The following POU2F1 variants were observed in gnomAD, a reference collection of about 807,000 sequenced individuals.
POU2F1 encodes POU domain, class 2, transcription factor 1.
A neutral mutation model predicts 84.9 loss-of-function variants in POU2F1; 16 were observed. The observed-to-expected ratio is 0.19, with a 90% confidence interval of 0.13 to 0.29. The LOEUF (loss-of-function observed/expected upper bound fraction) is 0.29, where lower values mean the gene tolerates loss of function less well. Ranked by LOEUF, POU2F1 falls within the 10% of genes least tolerant of loss-of-function variation. POU2F1 has a pLI of 1.00. For missense variants in POU2F1, 738 were observed against 942.6 expected (o/e 0.78, Z 2.84); for synonymous variants, 368 against 368.3 (o/e 1.00, Z 0.01).
intron 7 of POU2F1, among the ~76,000 whole-genome samples, chr1:167,382,508 G>A (rs1429267141): frequency 1.3e-5 from 2 of 152,142 alleles, no homozygotes; most frequent in Non-Finnish European, 1.5e-5. Flanking sequence ...AGATACCTAG[G>A]GCTGCATAGA....
chr1:167,415,898 TG>T lies in POU2F1; in HGVS notation c.*90del. On this transcript the variant is annotated 3_prime_UTR_variant, in exon 16 of 16. Coordinates refer to ENST00000367866, the MANE Select transcript of POU2F1 (RefSeq NM_002697.4). The stretch of plus-strand genomic sequence containing the variant: ...AGGTTAATAAACTGAAAAATGTGAT[TG>T]GCTTCCTCTCGCCGTGTTGTGAGGG... The T allele has an allele frequency of 8.2e-7, 1 of 1,222,868 alleles. No individual in the cohort carries two copies. Among genetic ancestry groups the T allele is most frequent in the Non-Finnish European group, 1.1e-6 (1 of 896,522 alleles). The allele number at this position is 1,222,868 out of a possible 1,614,324, so 75.8% of individuals were successfully genotyped here. A position where few individuals can be genotyped will look rare whatever the true frequency, so the allele number is the denominator to read the frequency against.
intron 1 of POU2F1, among the ~76,000 whole-genome samples, chr1:167,241,178 A>G (rs1557839133): frequency 6.6e-6 from 1 of 152,182 alleles, no homozygotes; most frequent in East Asian, 1.9e-4. Flanking sequence ...AGTCTGAAAA[A>G]GTTCTCACCC....
chr1:167,241,985 G>GT (rs2102374570), intron 1 of POU2F1, among the ~76,000 whole-genome samples: 1 of 152,276 alleles, frequency 6.6e-6, no homozygotes, highest in East Asian at 1.9e-4. Flanking sequence ...CAGAGCCTAA[G>GT]TTTTCTTAAG....
intron 15 of POU2F1, among the ~76,000 whole-genome samples, chr1:167,413,799 T>G (rs938430241): frequency 6.6e-6 from 1 of 152,182 alleles, no homozygotes; most frequent in Non-Finnish European, 1.5e-5. Context: ...TTTACTGTTA[T>G]GTGATTCAGG....
intron 2 of POU2F1, among the ~76,000 whole-genome samples, chr1:167,344,841 T>C (rs1658086257): frequency 6.6e-6 from 1 of 151,948 alleles, no homozygotes; most frequent in African/African-American, 2.4e-5. Flanking sequence ...AAAGAGCCAG[T>C]GTAGGAGGGG....
At chr1:167,290,069 G>T (rs949328177) in intron 1 of POU2F1, among the ~76,000 whole-genome samples, 1 of 152,126 alleles carries the variant, frequency 6.6e-6, no homozygotes, top group African/African-American at 2.4e-5. Context: ...ATTATTTACA[G>T]GATTCCTACA....
intron 3 of POU2F1, 131 bp downstream of exon 3, chr1:167,365,698 G>A: frequency 1.6e-6 from 1 of 613,610 alleles, no homozygotes; most frequent in East Asian, 3.3e-5. Context: ...GTGTAATTGT[G>A]TCATTCTATT....
intron 1 of POU2F1, among the ~76,000 whole-genome samples, chr1:167,272,401 A>C (rs1032876926): frequency 1.1e-4 from 16 of 151,896 alleles, no homozygotes; most frequent in African/African-American, 3.9e-4. Flanking sequence ...AAAAAAAAAA[A>C]AAAACCATAT....
At chr1:167,326,018 C>T (rs1005741318) in intron 1 of POU2F1, among the ~76,000 whole-genome samples, 2 of 152,052 alleles carry the variant, frequency 1.3e-5, no homozygotes, top group Non-Finnish European at 2.9e-5. Flanking sequence ...TTTGAATTTG[C>T]CCTTTCAGCT....
chr1:167,378,019 G>A (rs1298679743), intron 7 of POU2F1, among the ~76,000 whole-genome samples: 2 of 152,114 alleles, frequency 1.3e-5, no homozygotes, highest in Admixed American at 1.3e-4. Context: ...ATACGCATGG[G>A]TATGTGTCTT....
chr1:167,371,836 A>AT, intron 4 of POU2F1, 81 bp from the exon 5 acceptor site: 2 of 1,561,676 alleles, frequency 1.3e-6, no homozygotes, highest in Non-Finnish European at 1.8e-6. Context: ...GTTTTAAATG[A>AT]TTCCTAAAAG....
intron 1 of POU2F1, among the ~76,000 whole-genome samples, chr1:167,279,019 A>G (rs890943263): frequency 2.0e-5 from 3 of 152,226 alleles, no homozygotes; most frequent in Non-Finnish European, 4.4e-5. Flanking sequence ...GCTTAAAGAT[A>G]TTCAAATGCT....
intron 1 of POU2F1, among the ~76,000 whole-genome samples, chr1:167,281,447 G>A (rs903906022): frequency 1.3e-5 from 2 of 152,198 alleles, no homozygotes; most frequent in African/African-American, 2.4e-5. Context: ...AGCAACTGAC[G>A]GTTTGCCAAT....
chr1:167,269,729 A>G (rs1266710555), intron 1 of POU2F1, among the ~76,000 whole-genome samples: 23 of 152,204 alleles, frequency 1.5e-4, no homozygotes, highest in Non-Finnish European at 1.5e-5. Flanking sequence ...CCTGGCCAAC[A>G]TGGCGAAACC....
intron 1 of POU2F1, among the ~76,000 whole-genome samples, chr1:167,225,028 C>G (rs1446368238): frequency 6.6e-6 from 1 of 151,808 alleles, no homozygotes; most frequent in Non-Finnish European, 1.5e-5. Context: ...GGGGTTTCAC[C>G]GTGTTGGCCA....
intron 1 of POU2F1, among the ~76,000 whole-genome samples, chr1:167,251,090 G>A (rs1328780598): frequency 1.3e-5 from 2 of 152,106 alleles, no homozygotes; most frequent in Non-Finnish European, 2.9e-5. Context: ...TAGAACATGA[G>A]GTATTTTAGC....
chr1:167,357,752 A>G (rs1024765328), intron 2 of POU2F1, among the ~76,000 whole-genome samples: 13 of 150,000 alleles, frequency 8.7e-5, no homozygotes, highest in Non-Finnish European at 1.5e-4. Context: ...TGAGATTTCT[A>G]TATGATTCCA....
At chr1:167,277,699 A>C (rs182801092) in intron 1 of POU2F1, among the ~76,000 whole-genome samples, 1 of 152,036 alleles carries the variant, frequency 6.6e-6, no homozygotes, top group Non-Finnish European at 1.5e-5. Flanking sequence ...AATTATATCT[A>C]TCCCAATGGC....
rs1571283777 is a variant in POU2F1, at chr1:167,315,033, G to T, written c.62-17437G>T. Reference sequence around the variant, plus strand: ...CTCTTGCTCCTGCTTTTGCCATATGGCATGCCTGCTCCTGCCTTCACTTTC... The same window carrying T: ...CTCTTGCTCCTGCTTTTGCCATATGTCATGCCTGCTCCTGCCTTCACTTTC... On this transcript the variant is annotated intron_variant, in intron 1 of 15. Transcript: ENST00000367866. 2.6e-5 allele frequency among the ~76,000 whole-genome samples: 4 copies of T among 152,042 alleles called. No homozygotes were observed. In the South Asian group the frequency reaches 8.3e-4, roughly 32 times the overall value.
Sources: allele counts gnomAD v4.1 joint callset (sites outside exome capture counted in the v4.1 genomes callset), GRCh38; gene constraint gnomAD v4.1.1; transcripts MANE v1.5; gene names NCBI Gene and HGNC (gene_info 2026-07-23, HGNC 2026-07-21).